Variants in GSK3A observed in about 807,000 individuals in gnomAD.
GSK3A encodes glycogen synthase kinase-3 alpha.
Under a neutral mutation model 56.6 loss-of-function variants are expected in GSK3A, and 14 were observed. The ratio of observed to expected loss-of-function variants is 0.25; its 90% confidence interval spans 0.16 to 0.39. The LOEUF is 0.39. GSK3A is among the 10% of genes least tolerant of loss of function. The pLI, the probability that GSK3A is intolerant of heterozygous loss-of-function variation, is 1.00. For synonymous variants in GSK3A, 301 were observed against 285.0 expected, an observed-to-expected ratio of 1.06 and a Z score of -0.56; for missense variants, 450 against 656.0, an observed-to-expected ratio of 0.69 and a Z score of 3.43.
At chr19:42,237,061 C>T in intron 2 of GSK3A, 120 bp from the exon 3 acceptor site, 1 of 729,072 alleles carries the variant, frequency 1.4e-6, no homozygotes, top group African/African-American at 1.7e-5. Flanking sequence ...CCAAGGTCCC[C>T]TGGAGTATCC....
intron 9 of GSK3A, 25 bp downstream of exon 9, chr19:42,232,471 C>G: frequency 6.2e-7 from 1 of 1,611,858 alleles, no homozygotes; most frequent in South Asian, 1.1e-5. Context: ...CGCCCCACTC[C>G]CCAGATCCCA....
chr19:42,230,910 C>G (rs1340550872), intron 10 of GSK3A, 43 bp from the exon 11 acceptor site: 1 of 1,335,446 alleles, frequency 7.5e-7, no homozygotes, highest in South Asian at 1.3e-5. Context: ...CTTTGCCTTT[C>G]AGACACCCCT....
At chr19:42,242,140 G>C (rs1376518258) in intron 1 of GSK3A, 43 bp downstream of exon 1, 2 of 1,303,698 alleles carry the variant, frequency 1.5e-6, no homozygotes, top group Non-Finnish European at 1.9e-6. Context: ...AGGAGCTTTG[G>C]GAACCCTAAT....
chr19:42,239,141 T>G (rs1300656117), intron 2 of GSK3A, among the ~76,000 whole-genome samples: 1 of 152,154 alleles, frequency 6.6e-6, no homozygotes, highest in African/African-American at 2.4e-5. Flanking sequence ...TTTCCCAGAA[T>G]GCGGTCTCAG....
chr19:42,236,970 A>AAGGGAGAGTCT (rs770681093), intron 2 of GSK3A, 29 bp from the exon 3 acceptor site: 2 of 1,478,122 alleles, frequency 1.4e-6, no homozygotes, highest in African/African-American at 1.4e-5. Flanking sequence ...GTCTCAGAAT[A>AAGGGAGAGTCT]CAACCAACTC....
rs757751932 is a variant in GSK3A, at chr19:42,230,875, G to T, written c.1379-8C>A. The stretch of plus-strand genomic sequence containing the variant: ...TCGGAGTCTCAGTTAAAGCTGGAGG[G>T]AGGCAGGGAAGGAGCAGAGTTAGCC... On this transcript the variant is annotated splice_polypyrimidine_tract_variant and splice_region_variant and intron_variant, in intron 10 of 10. Coordinates refer to ENST00000222330, the MANE Select transcript of GSK3A (RefSeq NM_019884.3). 14 of 1,553,626 alleles carry T rather than the reference G, an allele frequency of 9.0e-6. No homozygotes were observed. In the East Asian group the frequency reaches 3.4e-4, roughly 38 times the overall value.
intron 8 of GSK3A, 145 bp from the exon 9 acceptor site, chr19:42,232,827 A>T: frequency 1.5e-6 from 1 of 686,862 alleles, no homozygotes. Context: ...CTAAGGCCCA[A>T]CCACTAAGGA....
intron 6 of GSK3A, among the ~76,000 whole-genome samples, chr19:42,233,584 G>T (rs2036238701): frequency 6.6e-6 from 1 of 152,174 alleles, no homozygotes; most frequent in African/African-American, 2.4e-5. Context: ...GTCTAGGTGT[G>T]TTTCCAGCCC....
chr19:42,242,581 T>TGGGCTCCGGCTC lies in GSK3A; in HGVS notation c.-128_-117dup. 2.2e-6 allele frequency: 2 copies of TGGGCTCCGGCTC among 898,912 alleles called. No homozygotes were observed. Among genetic ancestry groups the TGGGCTCCGGCTC allele is most frequent in the South Asian group, 2.0e-5 (1 of 50,660 alleles). 55.7% of individuals were successfully genotyped at this position (898,912 alleles called of 1,614,324 possible). ...TCTTCCAGGCCGCGCCGCTCTGGCT[T>TGGGCTCCGGCTC]GGGCTCCGGCTCCGGCCCAGCGCCC... On this transcript the variant is annotated 5_prime_UTR_variant, in exon 1 of 11. Transcript: ENST00000222330.
rs1268917100 is a variant in GSK3A at position 42,234,785 on chromosome 19, G to GC, written c.667-108dup. 2.6e-6 allele frequency: 3 copies of GC among 1,175,886 alleles called. No individual in the cohort carries two copies. The highest frequency in any genetic ancestry group is 1.5e-5 in the African/African-American group (1 of 64,702). 72.8% of individuals were successfully genotyped at this position (1,175,886 alleles called of 1,614,324 possible). A position where few individuals can be genotyped will look rare whatever the true frequency, so the allele number is the denominator to read the frequency against. On this transcript the variant is annotated intron_variant, in intron 4 of 10. Coordinates refer to ENST00000222330, the MANE Select transcript of GSK3A (RefSeq NM_019884.3). The surrounding 1 kb of genome is among the most constrained non-coding windows in gnomAD (Gnocchi z 5.7). ...CCCTTCCAGGCCCACTCTCCCTGCTGCCCCCACAGCTTTGGGGAAACCCAT... is the reference window on the plus strand; with the variant it reads ...CCCTTCCAGGCCCACTCTCCCTGCTGCCCCCCACAGCTTTGGGGAAACCCAT...
At chr19:42,241,482 C>T (rs1048651860) in intron 1 of GSK3A, 6 of 152,180 alleles carry the variant, frequency 3.9e-5, no homozygotes, top group African/African-American at 9.7e-5. Flanking sequence ...AAAGGAGACA[C>T]ACCAAGCCAT....
rs1314374283 is a variant in GSK3A at position 42,242,205 on chromosome 19, C to T, written c.261G>A (p.Pro87=). ...CACGGCCCAGCTTCACCCCGGGCGG[C>T]GGGAAGCTAGTGCCTGCGCCGGGGC... ...SGGPGAGTSF[P]PPGVKLGRDS... is the part of the protein sequence containing the mutation. The change falls in exon 1 of 11, where the codon CCG becomes CCA. Residue 87 remains proline (P), a synonymous_variant. Coordinates refer to ENST00000222330, the MANE Select transcript of GSK3A (RefSeq NM_019884.3). 1 of 1,439,024 alleles carries T rather than the reference C, an allele frequency of 6.9e-7. No homozygotes were observed. Among genetic ancestry groups the T allele is most frequent in the Admixed American group, 2.7e-5 (1 of 37,504 alleles). The allele number at this position is 1,439,024 out of a possible 1,614,324, so 89.1% of individuals were successfully genotyped here. A position where few individuals can be genotyped will look rare whatever the true frequency, so the allele number is the denominator to read the frequency against.
intron 4 of GSK3A, among the ~76,000 whole-genome samples, chr19:42,236,042 G>A (rs1157756479): frequency 3.3e-5 from 5 of 152,072 alleles, no homozygotes; most frequent in Admixed American, 6.5e-5. Context: ...CAGCCTGTTC[G>A]CCACATCATC....
intron 4 of GSK3A, among the ~76,000 whole-genome samples, chr19:42,235,831 T>A (rs2036253461): frequency 6.6e-6 from 1 of 152,144 alleles, no homozygotes; most frequent in African/African-American, 2.4e-5. Flanking sequence ...CTGGGACCCG[T>A]ATGCAGGCAG....
At chr19:42,235,278 A>C (rs2036249781) in intron 4 of GSK3A, among the ~76,000 whole-genome samples, 1 of 152,208 alleles carries the variant, frequency 6.6e-6, no homozygotes. Context: ...CCTTGGCAGA[A>C]GCCTGATGAG....
rs377171569 is a variant in GSK3A at position 42,233,181 on chromosome 19, G to T, written c.1027C>A (p.Gln343Lys). The change falls in exon 8 of 11, where the codon CAA becomes AAA. Residue 343 changes from glutamine to lysine, a missense_variant. Gln to Lys is a moderately conservative substitution (Grantham distance 53). This residue lies in a region of GSK3A where 144 missense variants were observed against 308.0 expected (regional missense o/e 0.47). Transcript: ENST00000222330. ...IKVLGTPTREQIREMNPNYTE... is the reference protein window; with the variant it reads ...IKVLGTPTREKIREMNPNYTE... ...TAGTTGGGGTTCATCTCTCGGATTT[G>T]TTCCCGGGTTGGTGTTCCCAGCACC... The T allele has an allele frequency of 6.2e-7, 1 of 1,609,340 alleles. No individual in the cohort carries two copies.
rs1175730291 is a variant in GSK3A at position 42,230,387 on chromosome 19, GTTTTC to G, written c.*402_*406del. On this transcript the variant is annotated 3_prime_UTR_variant, in exon 11 of 11. Transcript: ENST00000222330. ...GCCAGGTTGGACGGTGCGAATCGAC[GTTTTC>G]TTTAAGAAAAAAATTATAACAATCT... 5.2e-6 allele frequency: 1 copy of G among 193,648 alleles called. No individual in the cohort carries two copies. The highest frequency in any genetic ancestry group is 1.1e-5 in the Non-Finnish European group (1 of 92,580). 12.0% of individuals were successfully genotyped at this position (193,648 alleles called of 1,614,324 possible). A position where few individuals can be genotyped will look rare whatever the true frequency, so the allele number is the denominator to read the frequency against.
At chr19:42,240,272 T>C (rs2036283566) in intron 1 of GSK3A, 130 bp from the exon 2 acceptor site, 1 of 797,294 alleles carries the variant, frequency 1.3e-6, no homozygotes, top group South Asian at 1.5e-5. Context: ...CTCCTCCTCT[T>C]TGAGGAAAGG....
At chr19:42,231,886 G>A (rs934498391) in intron 10 of GSK3A, among the ~76,000 whole-genome samples, 171 bp downstream of exon 10, 14 of 152,050 alleles carry the variant, frequency 9.2e-5, no homozygotes, top group Admixed American at 2.6e-4. Flanking sequence ...ACATTTGTAC[G>A]CAAGAATACC....
Sources: allele counts gnomAD v4.1 joint callset (sites outside exome capture counted in the v4.1 genomes callset), GRCh38; gene constraint gnomAD v4.1.1; regional missense constraint gnomAD v4.1.1; non-coding constraint Gnocchi (gnomAD v3.1); transcripts MANE v1.5; gene names NCBI Gene and HGNC (gene_info 2026-07-23, HGNC 2026-07-21).